SAP130: variants seen among roughly 807,000 people sequenced by gnomAD.
The protein encoded by SAP130 is histone deacetylase complex subunit SAP130.
In SAP130, 16 loss-of-function variants were observed where a neutral mutation model predicts 103.2. That is an observed-to-expected ratio of 0.16 (90% confidence interval 0.10 to 0.24). SAP130 has a LOEUF of 0.24. Among genes scored for constraint, SAP130 ranks in the 10% least tolerant of loss-of-function variants. The pLI is 1.00. For missense variants in SAP130, 990 were observed against 1,359.7 expected, an observed-to-expected ratio of 0.73 and a Z score of 4.28; for synonymous variants, 477 against 497.0, an observed-to-expected ratio of 0.96 and a Z score of 0.53.
At chr2:128,006,349 A>G (rs1409145855) in intron 7 of SAP130, among the ~76,000 whole-genome samples, 1 of 152,268 alleles carries the variant, frequency 6.6e-6, no homozygotes, top group African/African-American at 2.4e-5. Context: ...CAAAGAACTG[A>G]CAGACTGAAT....
At chr2:128,027,663 T>G (rs1232520925) in intron 1 of SAP130, among the ~76,000 whole-genome samples, 1 of 93,726 alleles carries the variant, frequency 1.1e-5, no homozygotes, top group Non-Finnish European at 2.1e-5. Context: ...CCGGCCGCTC[T>G]GCTTCCCCGC....
intron 15 of SAP130, among the ~76,000 whole-genome samples, chr2:127,973,839 T>TGAGGTGGGAATACTGCTTGAGCCC (rs1170041991): frequency 6.6e-6 from 1 of 152,002 alleles, no homozygotes. Flanking sequence ...TTTGTGAGGC[T>TGAGGTGGGAATACTGCTTGAGCCC]GAGGTGGGAA....
At chr2:127,951,792 G>T (rs1679513196) in intron 16 of SAP130, among the ~76,000 whole-genome samples, 1 of 152,156 alleles carries the variant, frequency 6.6e-6, no homozygotes, top group South Asian at 2.1e-4. Context: ...TATCTGTTAA[G>T]TCCAGTCTCT....
At chr2:128,018,997 A>G (rs567253845) in intron 2 of SAP130, among the ~76,000 whole-genome samples, 2 of 151,200 alleles carry the variant, frequency 1.3e-5, no homozygotes, top group South Asian at 4.2e-4. Flanking sequence ...ACTAGGGAAG[A>G]TGAGGCAGGA....
chr2:128,005,758 C>T (rs1683926891), intron 7 of SAP130, among the ~76,000 whole-genome samples: 2 of 151,902 alleles, frequency 1.3e-5, no homozygotes, highest in South Asian at 4.1e-4. Flanking sequence ...GCGATTCTCC[C>T]GCCTCAGCTT....
chr2:128,015,120 G>A (rs1036739763), intron 4 of SAP130, among the ~76,000 whole-genome samples: 1 of 152,114 alleles, frequency 6.6e-6, no homozygotes, highest in Non-Finnish European at 1.5e-5. Context: ...GAAGTATGAG[G>A]ACCCCACAAC....
intron 15 of SAP130, among the ~76,000 whole-genome samples, chr2:127,977,605 T>C (rs1246894987): frequency 3.9e-5 from 6 of 152,210 alleles, no homozygotes; most frequent in African/African-American, 1.4e-4. Flanking sequence ...AAAAGTATCA[T>C]TTTGTTTAAA....
In SAP130 at chr2:127,986,648, T is replaced by C; in HGVS notation, c.1958+137A>G. The stretch of plus-strand genomic sequence containing the variant: ...TCTACTGAATAATCCTGTGGTCAAG[T>C]TGTTTTGGAGGAAATTTTAACACAC... On this transcript the variant is annotated intron_variant, in intron 14 of 20. Coordinates refer to ENST00000643581, the MANE Select transcript of SAP130 (RefSeq NM_001330301.2). This position sits in a 1 kb window ranked among gnomAD's most constrained non-coding sequence, Gnocchi z 4.7. 1.1e-6 allele frequency: 1 copy of C among 903,570 alleles called. No individual in the cohort carries two copies. The highest frequency in any genetic ancestry group is 1.7e-6 in the Non-Finnish European group (1 of 586,658). 56.0% of individuals were successfully genotyped at this position (903,570 alleles called of 1,614,324 possible).
chr2:127,967,803 G>A (rs1354625388), intron 15 of SAP130, among the ~76,000 whole-genome samples: 1 of 152,154 alleles, frequency 6.6e-6, no homozygotes, highest in East Asian at 1.9e-4. Context: ...AGACCTAACA[G>A]ATATATAGAA....
intron 2 of SAP130, among the ~76,000 whole-genome samples, chr2:128,025,779 C>T (rs1685460859): frequency 6.6e-6 from 1 of 152,184 alleles, no homozygotes; most frequent in Non-Finnish European, 1.5e-5. Context: ...CAATCCCCCA[C>T]AGACACCATA....
intron 7 of SAP130, 103 bp from the exon 8 acceptor site, chr2:128,000,557 G>A (rs555310034): frequency 1.7e-5 from 22 of 1,331,340 alleles, no homozygotes; most frequent in African/African-American, 7.3e-5. Flanking sequence ...TATGAAGTTC[G>A]GAGTTAAACC....
chr2:127,981,100 C>A (rs1681836281), intron 14 of SAP130, among the ~76,000 whole-genome samples: 1 of 151,988 alleles, frequency 6.6e-6, no homozygotes, highest in Admixed American at 6.5e-5. Context: ...CCTTACAATA[C>A]AGTCCCTTGC....
intron 4 of SAP130, among the ~76,000 whole-genome samples, chr2:128,015,859 C>T (rs991654044): frequency 1.3e-5 from 2 of 149,816 alleles, no homozygotes; most frequent in African/African-American, 2.5e-5. Flanking sequence ...GAGAATGGCT[C>T]GAACACGGGA....
chr2:127,980,837 C>T (rs180859137), intron 14 of SAP130, among the ~76,000 whole-genome samples: 1 of 151,962 alleles, frequency 6.6e-6, no homozygotes, highest in East Asian at 1.9e-4. Context: ...GTAAATGCTG[C>T]AGTAAGCTGT....
chr2:127,990,978 C>T (rs545118496), intron 12 of SAP130, among the ~76,000 whole-genome samples: 4 of 150,870 alleles, frequency 2.7e-5, no homozygotes, highest in African/African-American at 4.9e-5. Flanking sequence ...AGGCCAGGCA[C>T]GGTGGCTCAC....
At chr2:128,009,229 A>G (rs549934864) in intron 7 of SAP130, among the ~76,000 whole-genome samples, 10 of 152,220 alleles carry the variant, frequency 6.6e-5, no homozygotes, top group African/African-American at 2.4e-4. Context: ...TAATCCCAGC[A>G]CTTAGGGCGA....
At position 127,961,698 on chromosome 2, in the gene SAP130, G is replaced by A. The variant is rs181105721; in HGVS notation, c.2064-6354C>T. ...GAGGCGGAAGGTGAGCGGAATGCAC[G>A]CACTTCCCCAGGCTCCCCATCCTAC... is the stretch of plus-strand genomic sequence containing the variant. On this transcript the variant is annotated intron_variant, in intron 15 of 20. Coordinates refer to ENST00000643581, the MANE Select transcript of SAP130 (RefSeq NM_001330301.2). 3.4e-4 allele frequency among the ~76,000 whole-genome samples: 52 copies of A among 152,198 alleles called. 1 individual carries two copies. In the South Asian group the frequency reaches 6.4e-3, roughly 19 times the overall value.
At chr2:127,977,553 T>C (rs1220990449) in intron 15 of SAP130, among the ~76,000 whole-genome samples, 1 of 152,016 alleles carries the variant, frequency 6.6e-6, no homozygotes, top group African/African-American at 2.4e-5. Context: ...TTGAATGCCA[T>C]AGCAACTGGG....
intron 12 of SAP130, among the ~76,000 whole-genome samples, chr2:127,991,445 T>A (rs1431649211): frequency 6.6e-6 from 1 of 151,948 alleles, no homozygotes; most frequent in Non-Finnish European, 1.5e-5. Context: ...GGCCAAGCAA[T>A]CCTCCTGCCT....
Sources: allele counts gnomAD v4.1 joint callset (sites outside exome capture counted in the v4.1 genomes callset), GRCh38; gene constraint gnomAD v4.1.1; non-coding constraint Gnocchi (gnomAD v3.1); transcripts MANE v1.5; gene names NCBI Gene and HGNC (gene_info 2026-07-23, HGNC 2026-07-21).